The following ETV6 variants were observed in gnomAD, a reference collection of about 807,000 sequenced individuals.
ETV6 encodes the protein ETS variant transcription factor 6, also known as transcription factor ETV6.
ETV6 carries 16 observed loss-of-function variants against 51.1 expected under a neutral mutation model. The ratio of observed to expected loss-of-function variants is 0.31; its 90% CI spans 0.21 to 0.48. The LOEUF (loss-of-function observed/expected upper bound fraction) is 0.48, where lower values mean the gene tolerates loss of function less well. ETV6 is among the 20% of genes least tolerant of loss of function. The pLI is 0.99. For missense variants in ETV6, 458 were observed against 594.8 expected, an observed-to-expected ratio of 0.77 and a Z score of 2.39; for synonymous variants, 240 against 224.1, an observed-to-expected ratio of 1.07 and a Z score of -0.64.
chr12:11,825,132 AG>A (rs1398434198), intron 2 of ETV6, among the ~76,000 whole-genome samples: 2 of 152,254 alleles, frequency 1.3e-5, no homozygotes, highest in Non-Finnish European at 2.9e-5. Flanking sequence ...AAAGGTAAGA[AG>A]AAAAAGATAC....
chr12:11,671,451 G>C (rs997538105), intron 1 of ETV6, among the ~76,000 whole-genome samples: 1 of 152,086 alleles, frequency 6.6e-6, no homozygotes, highest in African/African-American at 2.4e-5. Context: ...CATGTTAATC[G>C]ATTGTACATT....
In ETV6 at chr12:11,817,289, T is replaced by G. The variant is rs148276054; in HGVS notation, c.164-21851T>G. On this transcript the variant is annotated intron_variant, in intron 2 of 7. Transcript: ENST00000396373. ...GCTTTTGCCCTTAGATGCCAGAAGT[T>G]AATATTCTTTCAATACTTATTCTCG... Among the ~76,000 whole-genome samples the G allele has an allele frequency of 9.1e-3, 1,382 of 152,314 alleles. 18 individuals carry two copies. Among genetic ancestry groups the G allele is most frequent in the African/African-American group, 0.031 (1,282 of 41,552 alleles).
intron 7 of ETV6, among the ~76,000 whole-genome samples, chr12:11,888,616 T>C (rs1015731070): frequency 2.6e-5 from 4 of 152,204 alleles, no homozygotes; most frequent in Non-Finnish European, 5.9e-5. Context: ...TTGGCCACTC[T>C]TGTCTCAAAC....
intron 2 of ETV6, among the ~76,000 whole-genome samples, chr12:11,824,368 AG>A (rs1331806363): frequency 1.3e-5 from 2 of 152,292 alleles, no homozygotes; most frequent in African/African-American, 4.8e-5. Context: ...GGCGTCGAGG[AG>A]GTCTGAAAGG....
At chr12:11,703,241 G>A (rs938726159) in intron 1 of ETV6, among the ~76,000 whole-genome samples, 1 of 152,156 alleles carries the variant, frequency 6.6e-6, no homozygotes, top group African/African-American at 2.4e-5. Flanking sequence ...TTGAGGCAAA[G>A]GTGCTGAAAT....
intron 2 of ETV6, among the ~76,000 whole-genome samples, chr12:11,788,102 T>C (rs1265899970): frequency 2.6e-5 from 4 of 152,180 alleles, no homozygotes; most frequent in Admixed American, 2.0e-4. Flanking sequence ...CAAATACCCA[T>C]TAAAAGATTA....
chr12:11,706,617 T>C (rs1670314792), intron 1 of ETV6, among the ~76,000 whole-genome samples: 1 of 152,180 alleles, frequency 6.6e-6, no homozygotes. Context: ...TAGGAGATAG[T>C]AGGGCCACCT....
intron 2 of ETV6, among the ~76,000 whole-genome samples, chr12:11,819,444 A>G (rs1427028436): frequency 6.6e-6 from 1 of 152,220 alleles, no homozygotes; most frequent in Admixed American, 6.5e-5. Flanking sequence ...AACGATCATC[A>G]GTGCGATGGG....
intron 1 of ETV6, among the ~76,000 whole-genome samples, chr12:11,651,350 G>A (rs1863903126): frequency 6.6e-6 from 1 of 152,202 alleles, no homozygotes; most frequent in African/African-American, 2.4e-5. Flanking sequence ...ATTAGAGTCT[G>A]TGTAGGGGAA....
intron 2 of ETV6, among the ~76,000 whole-genome samples, chr12:11,768,606 C>T (rs1479168045): frequency 6.6e-6 from 1 of 152,178 alleles, no homozygotes; most frequent in East Asian, 1.9e-4. Context: ...CGTACCAGGG[C>T]TGCAAAAAGA....
intron 1 of ETV6, among the ~76,000 whole-genome samples, chr12:11,752,081 T>C (rs1366339506): frequency 6.6e-6 from 1 of 152,240 alleles, no homozygotes; most frequent in Non-Finnish European, 1.5e-5. Flanking sequence ...GCATTAATTA[T>C]GTGACTTGGG....
chr12:11,672,208 C>T (rs1001301199), intron 1 of ETV6, among the ~76,000 whole-genome samples: 4 of 152,050 alleles, frequency 2.6e-5, no homozygotes, highest in African/African-American at 9.7e-5. Flanking sequence ...ACAATGTACT[C>T]TGAGTATTGT....
chr12:11,839,369 A>C, intron 3 of ETV6, 65 bp downstream of exon 3: 1 of 1,500,238 alleles, frequency 6.7e-7, no homozygotes, highest in Non-Finnish European at 9.1e-7. Context: ...GTTGGTCTTT[A>C]ACACCCCTCA....
intron 1 of ETV6, among the ~76,000 whole-genome samples, chr12:11,722,854 A>G (rs983329637): frequency 1.3e-5 from 2 of 152,212 alleles, no homozygotes; most frequent in Admixed American, 6.5e-5. Context: ...AGGTGCTCAA[A>G]TTCTGGTGTT....
rs886879878 is a variant in ETV6, at chr12:11,705,697, G to A, written c.34-46753G>A. ...TAATAAAAACAGCACATTATTTTTC[G>A]GGCATTTGACTTGAACCACAGGGTG... On this transcript the variant is annotated intron_variant, in intron 1 of 7. Transcript: ENST00000396373. Among the ~76,000 whole-genome samples, 117 of 152,102 alleles carry A rather than the reference G, an allele frequency of 7.7e-4. 1 individual carries two copies. The highest frequency in any genetic ancestry group is 7.7e-3 in the Admixed American group (117 of 15,270).
intron 1 of ETV6, among the ~76,000 whole-genome samples, chr12:11,715,086 T>C (rs528192909): frequency 4.6e-5 from 7 of 152,272 alleles, no homozygotes; most frequent in South Asian, 4.1e-4. Flanking sequence ...GGGAAGACCA[T>C]GTCTTTTTTG....
intron 2 of ETV6, among the ~76,000 whole-genome samples, chr12:11,825,191 A>G (rs1015454911): frequency 1.3e-5 from 2 of 152,250 alleles, no homozygotes; most frequent in Admixed American, 6.5e-5. Flanking sequence ...AAAACTTCCA[A>G]ATGAAATGAC....
intron 5 of ETV6, among the ~76,000 whole-genome samples, chr12:11,883,804 A>G (rs1947142913): frequency 6.6e-6 from 1 of 152,158 alleles, no homozygotes; most frequent in African/African-American, 2.4e-5. Context: ...AAGACCTCCA[A>G]AATGTGATAG....
intron 1 of ETV6, among the ~76,000 whole-genome samples, chr12:11,673,313 A>T (rs977721616): frequency 4.6e-5 from 7 of 152,196 alleles, no homozygotes; most frequent in African/African-American, 1.4e-4. Flanking sequence ...GGAGATGTCC[A>T]TGAAGAAGAA....
Sources: gnomAD v4.1 joint callset for allele counts (sites outside exome capture counted in the v4.1 genomes callset) on GRCh38, gnomAD v4.1.1 for gene constraint, MANE v1.5 for transcripts, NCBI Gene and HGNC (gene_info 2026-07-23, HGNC 2026-07-21) for gene names.